Variants in UBE2H observed in about 807,000 individuals in gnomAD.
UBE2H encodes ubiquitin conjugating enzyme E2 H, also known as ubiquitin-conjugating enzyme E2 H.
Under a neutral mutation model 29.0 loss-of-function variants are expected in UBE2H, and 3 were observed. The observed-to-expected ratio is 0.10, with a 90% CI of 0.05 to 0.27. The LOEUF (loss-of-function observed/expected upper bound fraction) is 0.27. Among genes scored for constraint, UBE2H ranks in the 10% least tolerant of loss-of-function variants. The pLI is 1.00. For missense variants in UBE2H, 68 were observed against 228.2 expected (o/e 0.30, Z 4.52); for synonymous variants, 69 against 82.9 (o/e 0.83, Z 0.91).
At position 129,944,715 on chromosome 7, in the gene UBE2H, A is replaced by AACACACACACAC. The variant is rs57825154; in HGVS notation, c.53+7776_53+7787dup. Among the ~76,000 whole-genome samples the AACACACACACAC allele has an allele frequency of 2.9e-3, 413 of 144,030 alleles. 2 individuals are homozygous for AACACACACACAC. Among genetic ancestry groups the AACACACACACAC allele is most frequent in the Middle Eastern group, 0.01 (3 of 290 alleles). 94.5% of individuals were successfully genotyped at this position (144,030 alleles called of 152,430 possible). On this transcript the variant is annotated intron_variant, in intron 1 of 6. Coordinates refer to ENST00000355621, the MANE Select transcript of UBE2H (RefSeq NM_003344.4). Reference sequence around the variant, plus strand: ...AACACACACGTGCGCATGCGCTCAAAACACACACACACACACACACACACA... The same window carrying AACACACACACAC: ...AACACACACGTGCGCATGCGCTCAAAACACACACACACACACACACACACACACACACACACA...
At chr7:129,900,475 G>A (rs962558362) in intron 1 of UBE2H, among the ~76,000 whole-genome samples, 4 of 152,114 alleles carry the variant, frequency 2.6e-5, no homozygotes, top group Non-Finnish European at 5.9e-5. Context: ...TGATTTTATA[G>A]TTTCGAATAT....
intron 1 of UBE2H, among the ~76,000 whole-genome samples, chr7:129,903,872 C>T (rs937694237): frequency 6.6e-6 from 1 of 152,208 alleles, no homozygotes; most frequent in Non-Finnish European, 1.5e-5. Flanking sequence ...CATCTGTACT[C>T]CAGCCTCGGC....
chr7:129,887,852 C>T (rs550149810), intron 1 of UBE2H, among the ~76,000 whole-genome samples: 11 of 152,146 alleles, frequency 7.2e-5, no homozygotes, highest in Non-Finnish European at 1.3e-4. Context: ...CATTGCACTC[C>T]AGCCTGGGCA....
intron 1 of UBE2H, among the ~76,000 whole-genome samples, chr7:129,923,351 C>T (rs1338195410): frequency 1.3e-5 from 2 of 152,126 alleles, no homozygotes; most frequent in African/African-American, 4.8e-5. Flanking sequence ...CAGTCATATC[C>T]ATGTTAAAGG....
intron 3 of UBE2H, among the ~76,000 whole-genome samples, chr7:129,859,186 T>C (rs1805757300): frequency 1.3e-5 from 2 of 152,290 alleles, no homozygotes; most frequent in South Asian, 2.1e-4. Flanking sequence ...TACAAAACAA[T>C]CATTAAAGCA....
At chr7:129,918,401 C>T (rs1807087709) in intron 1 of UBE2H, among the ~76,000 whole-genome samples, 1 of 151,282 alleles carries the variant, frequency 6.6e-6, no homozygotes, top group Admixed American at 6.6e-5. Context: ...CTCTGTCACC[C>T]AGGATGGAGT....
chr7:129,888,997 C>T lies in UBE2H; in HGVS notation c.54-8026G>A, dbSNP rs528526063. Among the ~76,000 whole-genome samples, 8 of 152,086 alleles carry T rather than the reference C, an allele frequency of 5.3e-5. No individual in the cohort carries two copies. The South Asian group carries it at 8.3e-4, about 16-fold the overall frequency. ...TAAACAGAGTGTGATTTGGACATGT[C>T]GAGGTGGGAGAAGGAATTTAATGCA... is the stretch of plus-strand genomic sequence containing the variant. On this transcript the variant is annotated intron_variant, in intron 1 of 6. Transcript: ENST00000355621.
intron 1 of UBE2H, among the ~76,000 whole-genome samples, chr7:129,883,826 A>G (rs1806303185): frequency 6.6e-6 from 1 of 152,254 alleles, no homozygotes; most frequent in Admixed American, 6.5e-5. Context: ...TGGGCAACAG[A>G]GTGAGACTCC....
chr7:129,922,668 T>A (rs1373916904), intron 1 of UBE2H, among the ~76,000 whole-genome samples: 2 of 152,202 alleles, frequency 1.3e-5, no homozygotes, highest in African/African-American at 4.8e-5. Context: ...GCCAAAAATA[T>A]GAGATAGCAA....
At chr7:129,952,404 C>A in intron 1 of UBE2H, 99 bp downstream of exon 1, 1 of 1,483,178 alleles carries the variant, frequency 6.7e-7, no homozygotes, top group East Asian at 2.5e-5. Context: ...GGACAGTGGC[C>A]TGGAGTGCCC....
intron 1 of UBE2H, among the ~76,000 whole-genome samples, chr7:129,928,849 C>CTT (rs1486677694): frequency 6.6e-6 from 1 of 151,998 alleles, no homozygotes; most frequent in African/African-American, 2.4e-5. Flanking sequence ...AAAAAAGGCT[C>CTT]TGCATATTAA....
intron 1 of UBE2H, among the ~76,000 whole-genome samples, chr7:129,925,650 C>T (rs906557094): frequency 1.3e-5 from 2 of 152,158 alleles, no homozygotes; most frequent in African/African-American, 4.8e-5. Context: ...TCAGGATGAT[C>T]AGGGCAATGT....
At chr7:129,920,506 ACTT>A (rs1807135710) in intron 1 of UBE2H, among the ~76,000 whole-genome samples, 2 of 152,300 alleles carry the variant, frequency 1.3e-5, no homozygotes, top group South Asian at 2.1e-4. Context: ...CTACTAGAAT[ACTT>A]CTAATAATAT....
chr7:129,855,749 TA>T (rs1171236169), intron 5 of UBE2H, among the ~76,000 whole-genome samples: 1 of 152,106 alleles, frequency 6.6e-6, no homozygotes, highest in African/African-American at 2.4e-5. Context: ...AACGGGGTAC[TA>T]GCCAGGCATG....
intron 5 of UBE2H, among the ~76,000 whole-genome samples, chr7:129,855,492 C>G (rs1805687490): frequency 6.6e-6 from 1 of 152,184 alleles, no homozygotes; most frequent in South Asian, 2.1e-4. Flanking sequence ...CTTGTTGCCT[C>G]AACTATATGC....
chr7:129,874,282 C>T (rs1474260106), intron 3 of UBE2H, among the ~76,000 whole-genome samples: 5 of 150,418 alleles, frequency 3.3e-5, no homozygotes, highest in African/African-American at 1.2e-4. Context: ...TGGCTATAAG[C>T]CCTGAATTTA....
intron 1 of UBE2H, among the ~76,000 whole-genome samples, chr7:129,904,386 C>T (rs1031435580): frequency 1.3e-5 from 2 of 152,020 alleles, no homozygotes; most frequent in African/African-American, 2.4e-5. Context: ...TTCCAAAGTG[C>T]TGGGATTAAC....
At chr7:129,939,018 C>G (rs546230353) in intron 1 of UBE2H, among the ~76,000 whole-genome samples, 1 of 152,184 alleles carries the variant, frequency 6.6e-6, no homozygotes, top group African/African-American at 2.4e-5. Flanking sequence ...AGGCTGGTCT[C>G]GAACTCCTGA....
intron 1 of UBE2H, among the ~76,000 whole-genome samples, chr7:129,919,255 CAGCTA>C (rs1807108020): frequency 6.6e-6 from 1 of 152,024 alleles, no homozygotes; most frequent in African/African-American, 2.4e-5. Flanking sequence ...CTATAGTAAA[CAGCTA>C]AGCTAATGCG....
Sources: allele counts gnomAD v4.1 joint callset (sites outside exome capture counted in the v4.1 genomes callset), GRCh38; gene constraint gnomAD v4.1.1; transcripts MANE v1.5; gene names NCBI Gene and HGNC (gene_info 2026-07-23, HGNC 2026-07-21).